The following ATP2B2 variants were observed in gnomAD, a reference collection of about 807,000 sequenced individuals.
ATP2B2 encodes ATPase plasma membrane Ca2+ transporting 2.
A neutral mutation model predicts 120.0 loss-of-function variants in ATP2B2; 15 were observed. The observed-to-expected ratio is 0.12, with a 90% CI of 0.08 to 0.19. The LOEUF (loss-of-function observed/expected upper bound fraction) is 0.19, where lower values mean the gene tolerates loss of function less well. Ranked by LOEUF, ATP2B2 falls within the 10% of genes least tolerant of loss-of-function variation. The pLI, the probability that ATP2B2 is intolerant of heterozygous loss-of-function variation, is 1.00. For synonymous variants in ATP2B2, 694 were observed against 700.3 expected, an observed-to-expected ratio of 0.99 and a Z score of 0.14; for missense variants, 1,045 against 1,719.8, an observed-to-expected ratio of 0.61 and a Z score of 6.94.
intron 1 of ATP2B2, among the ~76,000 whole-genome samples, chr3:10,690,204 G>A (rs975779213): frequency 6.6e-6 from 1 of 152,238 alleles, no homozygotes; most frequent in African/African-American, 2.4e-5. Flanking sequence ...TTGACATAGG[G>A]GGGGACAAAC....
intron 5 of ATP2B2, among the ~76,000 whole-genome samples, chr3:10,393,535 A>G (rs1240623210): frequency 6.6e-6 from 1 of 152,112 alleles, no homozygotes; most frequent in East Asian, 1.9e-4. Context: ...AGGAAGGCAG[A>G]GCTGGGATGG....
intron 2 of ATP2B2, among the ~76,000 whole-genome samples, chr3:10,576,139 A>G (rs2125552361): frequency 6.6e-6 from 1 of 152,340 alleles, no homozygotes; most frequent in Admixed American, 6.5e-5. Flanking sequence ...AGGTTTGCTG[A>G]CTGGAGGTGT....
intron 1 of ATP2B2, among the ~76,000 whole-genome samples, chr3:10,624,672 C>T (rs2069644850): frequency 6.6e-6 from 1 of 152,198 alleles, no homozygotes; most frequent in South Asian, 2.1e-4. Flanking sequence ...GTCAGTCAAA[C>T]ATCAGCCCTG....
intron 5 of ATP2B2, among the ~76,000 whole-genome samples, chr3:10,399,531 G>A (rs1460401715): frequency 6.6e-6 from 1 of 152,202 alleles, no homozygotes; most frequent in African/African-American, 2.4e-5. Context: ...ATATTTGCTT[G>A]CTTATTACTT....
intron 1 of ATP2B2, among the ~76,000 whole-genome samples, chr3:10,667,772 G>A (rs1010241120): frequency 1.3e-5 from 2 of 152,218 alleles, no homozygotes; most frequent in African/African-American, 2.4e-5. Flanking sequence ...GCTGCCGTTA[G>A]AAGGAACAAG....
At chr3:10,411,886 G>A (rs557802095) in intron 2 of ATP2B2, among the ~76,000 whole-genome samples, 21 of 152,152 alleles carry the variant, frequency 1.4e-4, no homozygotes, top group African/African-American at 3.9e-4. Context: ...TGTGGGGACC[G>A]GACAGAGTGG....
At chr3:10,485,434 A>T (rs2065605546) in intron 1 of ATP2B2, among the ~76,000 whole-genome samples, 1 of 151,992 alleles carries the variant, frequency 6.6e-6, no homozygotes, top group African/African-American at 2.4e-5. Context: ...GAGGTGGGGG[A>T]TTGCGGGAGC....
At chr3:10,704,750 A>G (rs559851118) in intron 1 of ATP2B2, among the ~76,000 whole-genome samples, 1 of 152,356 alleles carries the variant, frequency 6.6e-6, no homozygotes, top group East Asian at 1.9e-4. Context: ...AAAGGAGGCC[A>G]GTTTGAATTA....
intron 1 of ATP2B2, chr3:10,626,446 C>T (rs2069701268): frequency 6.6e-6 from 1 of 152,178 alleles, no homozygotes; most frequent in African/African-American, 2.4e-5. Flanking sequence ...TTCATCTCTA[C>T]CCCACAGAGC....
chr3:10,427,562 T>C (rs1468665932), intron 2 of ATP2B2, among the ~76,000 whole-genome samples: 2 of 152,244 alleles, frequency 1.3e-5, no homozygotes, highest in Non-Finnish European at 2.9e-5. Flanking sequence ...CTTTTCTTTT[T>C]CATTTAATCT....
At chr3:10,499,967 ACT>A (rs562117577) in intron 1 of ATP2B2, among the ~76,000 whole-genome samples, 163 of 127,160 alleles carry the variant, frequency 1.3e-3, no homozygotes, top group African/African-American at 4.9e-3. Flanking sequence ...ATAGAGTCTC[ACT>A]CTGTCACCCA....
At chr3:10,466,605 C>G (rs1054311012) in intron 1 of ATP2B2, among the ~76,000 whole-genome samples, 1 of 152,154 alleles carries the variant, frequency 6.6e-6, no homozygotes, top group African/African-American at 2.4e-5. Flanking sequence ...TAACCTATAG[C>G]AGAAACTTCA....
chr3:10,454,091 T>C (rs2064167828), intron 1 of ATP2B2, among the ~76,000 whole-genome samples: 1 of 152,144 alleles, frequency 6.6e-6, no homozygotes, highest in African/African-American at 2.4e-5. Context: ...ATTCAATGAT[T>C]GTGTTTTGGG....
In ATP2B2 at chr3:10,329,133, G is replaced by T. The variant is rs1275989322; in HGVS notation, c.3421-8C>A. ...CGCCTTCACGACGCGGATCTGCAAG[G>T]GAAGCACAGGGGTCAGGAGCACTGC... On this transcript the variant is annotated splice_region_variant and splice_polypyrimidine_tract_variant and intron_variant, in intron 22 of 22. Transcript: ENST00000360273. This position sits in a 1 kb window ranked among gnomAD's most constrained non-coding sequence, Gnocchi z 5.9. 1.2e-6 allele frequency: 2 copies of T among 1,612,276 alleles called. No individual in the cohort carries two copies. The highest frequency in any genetic ancestry group is 1.7e-6 in the Non-Finnish European group (2 of 1,179,940).
intron 1 of ATP2B2, among the ~76,000 whole-genome samples, chr3:10,457,237 G>A (rs1196561726): frequency 1.3e-5 from 2 of 151,958 alleles, no homozygotes; most frequent in Non-Finnish European, 2.9e-5. Flanking sequence ...GGGTGTATGG[G>A]CGTACAAGGC....
In ATP2B2 at chr3:10,326,008, A is replaced by T. The variant is rs2059850668; in HGVS notation, c.*2806T>A. 6.6e-6 allele frequency: 1 copy of T among 152,342 alleles called. No individual in the cohort carries two copies. Among genetic ancestry groups the T allele is most frequent in the South Asian group, 2.1e-4 (1 of 4,828 alleles). The allele number at this position is 152,342 out of a possible 1,614,324, so 9.4% of individuals were successfully genotyped here. Reference sequence around the variant, plus strand: ...TTTTTTTAAACCACAAACATTTCAGAACCACACTGCACGAGTCAGAAGAGC... The same window carrying T: ...TTTTTTTAAACCACAAACATTTCAGTACCACACTGCACGAGTCAGAAGAGC... On this transcript the variant is annotated 3_prime_UTR_variant, in exon 23 of 23. Transcript: ENST00000360273.
rs544831181 is a variant in ATP2B2 at position 10,600,045 on chromosome 3, C to T, written c.-415+19872G>A. Reference sequence around the variant, plus strand: ...TGTACCGCCTTGCTGAACAGTGCACCATTTCTGTGCAAGAAACCACCAGGT... The same window carrying T: ...TGTACCGCCTTGCTGAACAGTGCACTATTTCTGTGCAAGAAACCACCAGGT... On this transcript the variant is annotated intron_variant, in intron 2 of 21. Coordinates refer to the ATP2B2 transcript ENST00000646379. Among the ~76,000 whole-genome samples the T allele has an allele frequency of 2.0e-5, 3 of 150,044 alleles. No homozygotes were observed. In the South Asian group the frequency reaches 6.3e-4, roughly 32 times the overall value.
intron 3 of ATP2B2, among the ~76,000 whole-genome samples, chr3:10,520,350 C>A (rs75629622): frequency 0.019 from 2,831 of 152,254 alleles, 102 homozygotes; most frequent in African/African-American, 0.065. Context: ...CCTGCCCTTG[C>A]GAGGTAATAG....
intron 16 of ATP2B2, among the ~76,000 whole-genome samples, chr3:10,349,444 G>C (rs1051392114): frequency 6.6e-6 from 1 of 152,084 alleles, no homozygotes; most frequent in Non-Finnish European, 1.5e-5. Flanking sequence ...GACAGAGGGA[G>C]ACCCTGTCTC....
Sources: gnomAD v4.1 joint callset for allele counts (sites outside exome capture counted in the v4.1 genomes callset) on GRCh38, gnomAD v4.1.1 for gene constraint, Gnocchi (gnomAD v3.1) non-coding constraint, MANE v1.5 for transcripts, NCBI Gene and HGNC (gene_info 2026-07-23, HGNC 2026-07-21) for gene names.